The following SPPL3 variants were observed in gnomAD, a reference collection of about 807,000 sequenced individuals.
SPPL3 encodes signal peptide peptidase-like 3.
A neutral mutation model predicts 42.4 loss-of-function variants in SPPL3; 5 were observed. That is an observed-to-expected ratio of 0.12 (90% CI 0.06 to 0.25). The LOEUF is 0.25. Ranked by LOEUF, SPPL3 falls within the 10% of genes least tolerant of loss-of-function variation. The probability of loss-of-function intolerance (pLI) is 1.00; values close to 1 mark genes in which losing one functional copy is unlikely to be tolerated. For missense variants in SPPL3, 235 were observed against 489.0 expected (o/e 0.48, Z 4.90); for synonymous variants, 195 against 181.8 (o/e 1.07, Z -0.58).
chr12:120,769,112 A>G (rs1868633200), intron 6 of SPPL3, 53 bp from the exon 7 acceptor site: 4 of 1,406,780 alleles, frequency 2.8e-6, no homozygotes, highest in African/African-American at 2.8e-5. Flanking sequence ...CTCCAGGCTC[A>G]TCCTCTTTCC....
chr12:120,788,621 C>T (rs1276401827), intron 3 of SPPL3, among the ~76,000 whole-genome samples: 1 of 152,066 alleles, frequency 6.6e-6, no homozygotes, highest in Admixed American at 6.5e-5. Flanking sequence ...ACCCACGTAC[C>T]CCACCAATGA....
chr12:120,769,211 G>A (rs1869020153), intron 6 of SPPL3, 152 bp from the exon 7 acceptor site: 2 of 593,926 alleles, frequency 3.4e-6, no homozygotes, highest in South Asian at 4.0e-5. Context: ...TGCAACTGGT[G>A]CAAAACACCC....
rs568255586 is a variant in SPPL3 at position 120,769,118 on chromosome 12, T to C, written c.503-59A>G. Reference sequence around the variant, plus strand: ...CAGTGTGGACTCCAGGCTCATCCTCTTTCCACAAGCTATGGCCCTTCACAG... The same window carrying C: ...CAGTGTGGACTCCAGGCTCATCCTCCTTCCACAAGCTATGGCCCTTCACAG... On this transcript the variant is annotated intron_variant, in intron 6 of 10. Transcript: ENST00000353487. 52 of 1,360,118 alleles carry C rather than the reference T, an allele frequency of 3.8e-5. No homozygotes were observed. The African/African-American group carries it at 6.7e-4, about 18-fold the overall frequency. 84.3% of individuals were successfully genotyped at this position (1,360,118 alleles called of 1,614,324 possible). A position where few individuals can be genotyped will look rare whatever the true frequency, so the allele number is the denominator to read the frequency against.
chr12:120,843,023 A>AGTAGACT (rs1403835355), intron 1 of SPPL3, among the ~76,000 whole-genome samples: 1 of 152,186 alleles, frequency 6.6e-6, no homozygotes, highest in Non-Finnish European at 1.5e-5. Flanking sequence ...GTATTAAATT[A>AGTAGACT]CAGCCTCAAA....
Position 120,764,539 on chromosome 12 carries a change from T to A in SPPL3, c.*460A>T. The A allele has an allele frequency of 4.1e-6, 1 of 241,174 alleles. No homozygotes were observed. 14.9% of individuals were successfully genotyped at this position (241,174 alleles called of 1,614,324 possible). On this transcript the variant is annotated 3_prime_UTR_variant, in exon 11 of 11. Transcript: ENST00000353487. Reference sequence around the variant, plus strand: ...AACGACAGAAGAGCTTCTGTCTCAGTTCTCTGAAACTGAGTCCCCTATAGG... The same window carrying A: ...AACGACAGAAGAGCTTCTGTCTCAGATCTCTGAAACTGAGTCCCCTATAGG...
intron 1 of SPPL3, among the ~76,000 whole-genome samples, chr12:120,863,430 T>G (rs1375041038): frequency 2.0e-5 from 3 of 152,182 alleles, no homozygotes. Context: ...CGTTTTACAT[T>G]TCTGCAAATA....
At chr12:120,817,200 T>TAGG (rs1195463347) in intron 1 of SPPL3, among the ~76,000 whole-genome samples, 1 of 151,736 alleles carries the variant, frequency 6.6e-6, no homozygotes, top group Non-Finnish European at 1.5e-5. Flanking sequence ...GAGGCTGAGG[T>TAGG]AGGAGGATCC....
intron 1 of SPPL3, among the ~76,000 whole-genome samples, chr12:120,877,826 G>C (rs558715252): frequency 1.3e-5 from 2 of 150,164 alleles, no homozygotes; most frequent in South Asian, 4.2e-4. Flanking sequence ...AACACGTTAT[G>C]ATTTCAGGAA....
At chr12:120,868,067 C>T (rs1469969476) in intron 1 of SPPL3, among the ~76,000 whole-genome samples, 1 of 152,102 alleles carries the variant, frequency 6.6e-6, no homozygotes, top group Admixed American at 6.6e-5. Context: ...AATTATAGTT[C>T]AGCCCAGGCA....
At chr12:120,888,913 G>A (rs1199772934) in intron 1 of SPPL3, among the ~76,000 whole-genome samples, 3 of 152,034 alleles carry the variant, frequency 2.0e-5, no homozygotes, top group African/African-American at 4.8e-5. Flanking sequence ...GGGCTCAGGC[G>A]ATTCTCCTGC....
intron 1 of SPPL3, chr12:120,903,526 A>C: frequency 2.7e-6 from 1 of 376,148 alleles, no homozygotes; most frequent in Non-Finnish European, 4.9e-6. Context: ...TGCCTGTCGG[A>C]TTCAACTTCC....
At chr12:120,902,087 C>A (rs1191174269) in intron 1 of SPPL3, 1 of 201,438 alleles carries the variant, frequency 5.0e-6, no homozygotes, top group Non-Finnish European at 8.8e-6. Flanking sequence ...CTTACTCTGT[C>A]CAGAAGGAAG....
At chr12:120,851,482 T>C (rs1872221316) in intron 1 of SPPL3, among the ~76,000 whole-genome samples, 1 of 152,060 alleles carries the variant, frequency 6.6e-6, no homozygotes, top group East Asian at 1.9e-4. Flanking sequence ...AAGAAATGCC[T>C]AATAGCTCTG....
chr12:120,809,411 G>T (rs1338545775), intron 2 of SPPL3, among the ~76,000 whole-genome samples: 1 of 151,838 alleles, frequency 6.6e-6, no homozygotes, highest in Non-Finnish European at 1.5e-5. Flanking sequence ...TATTTTACTT[G>T]TTCTACTCAG....
intron 1 of SPPL3, among the ~76,000 whole-genome samples, chr12:120,853,983 T>TACACAC (rs58246859): frequency 0.092 from 12,036 of 130,144 alleles, 766 homozygotes; most frequent in East Asian, 0.13. Context: ...CACGCACACA[T>TACACAC]ACACACACAC....
chr12:120,898,413 G>T lies in SPPL3; in HGVS notation c.23+5432C>A, dbSNP rs148264632. On this transcript the variant is annotated intron_variant, in intron 1 of 10. Coordinates refer to ENST00000353487, the MANE Select transcript of SPPL3 (RefSeq NM_139015.5). ...GGAGAGAGTACCAAAAACAGAAAGG[G>T]TTTTATCCTTATGTAGCTTATTTTG... 3.3e-3 allele frequency among the ~76,000 whole-genome samples: 499 copies of T among 149,320 alleles called. 2 individuals are homozygous for T. The highest frequency in any genetic ancestry group is 0.012 in the African/African-American group (484 of 40,860).
intron 2 of SPPL3, among the ~76,000 whole-genome samples, chr12:120,802,397 A>G (rs1462452072): frequency 3.8e-4 from 46 of 119,838 alleles, no homozygotes; most frequent in Non-Finnish European, 6.1e-4. Flanking sequence ...ATACACATAT[A>G]TGTGTGTGTG....
At chr12:120,842,683 T>C (rs1871871471) in intron 1 of SPPL3, among the ~76,000 whole-genome samples, 1 of 152,144 alleles carries the variant, frequency 6.6e-6, no homozygotes, top group South Asian at 2.1e-4. Flanking sequence ...CAAGCACTTT[T>C]GGGCCTCTTT....
At chr12:120,897,390 T>C (rs929408803) in intron 1 of SPPL3, among the ~76,000 whole-genome samples, 21 of 152,284 alleles carry the variant, frequency 1.4e-4, no homozygotes, top group Non-Finnish European at 2.8e-4. Flanking sequence ...CAAACAACAT[T>C]ATCATAGTAC....
Sources: gnomAD v4.1 joint callset for allele counts (sites outside exome capture counted in the v4.1 genomes callset) on GRCh38, gnomAD v4.1.1 for gene constraint, MANE v1.5 for transcripts, NCBI Gene and HGNC (gene_info 2026-07-23, HGNC 2026-07-21) for gene names.